The following FAM83A variants were observed in gnomAD, a reference collection of about 807,000 sequenced individuals.
FAM83A encodes scaffolding CK1 anchoring protein A.
Under a neutral mutation model 24.4 loss-of-function variants are expected in FAM83A, and 21 were observed. The observed-to-expected ratio is 0.86, with a 90% CI of 0.61 to 1.24. The LOEUF (loss-of-function observed/expected upper bound fraction) is 1.24, where lower values mean the gene tolerates loss of function less well. Ranked by LOEUF, FAM83A falls within the 50% of genes most tolerant of loss-of-function variation. FAM83A has a pLI of 0.00. For synonymous variants in FAM83A, 270 were observed against 252.4 expected, an observed-to-expected ratio of 1.07 and a Z score of -0.66; for missense variants, 617 against 579.8, an observed-to-expected ratio of 1.06 and a Z score of -0.66.
intron 1 of FAM83A, among the ~76,000 whole-genome samples, chr8:123,184,070 T>C (rs1433023840): frequency 6.6e-6 from 1 of 152,174 alleles, no homozygotes; most frequent in East Asian, 1.9e-4. Flanking sequence ...TTGCCCATAA[T>C]GGGAAGAACA....
rs1409120587 is a variant in FAM83A at position 123,183,364 on chromosome 8, T to A, written c.480+28T>A. 1.0e-5 allele frequency: 16 copies of A among 1,591,742 alleles called. No homozygotes were observed. In the Admixed American group the frequency reaches 2.5e-4, roughly 25 times the overall value. On this transcript the variant is annotated intron_variant, in intron 1 of 3. Coordinates refer to ENST00000690554, the Ensembl canonical transcript of FAM83A. ...ACCGATGGCAAAGCCCCTGTCTCCG[T>A]GGCCAAGTAGCAGGGAGGATCGGGG... is the stretch of plus-strand genomic sequence containing the variant.
exon 4 of FAM83A, chr8:123,208,268 G>A: frequency 4.1e-6 from 4 of 985,520 alleles, no homozygotes; most frequent in Non-Finnish European, 3.6e-6. Flanking sequence ...TGAGGCCCCA[G>A]AACCCGTTAT....
rs1824068236 is a variant in FAM83A at position 123,194,153 on chromosome 8, G to T, written c.773+5G>T. On this transcript the variant is annotated splice_donor_5th_base_variant and intron_variant, in intron 3 of 3. Coordinates refer to ENST00000690554, the Ensembl canonical transcript of FAM83A. ...TGTCCTGTCTGGATCTTACAGGTGA[G>T]CCTTGGATTCATCTCCTGTCAAGGA... The T allele has an allele frequency of 6.2e-7, 1 of 1,613,706 alleles. No homozygotes were observed. The highest frequency in any genetic ancestry group is 1.1e-5 in the South Asian group (1 of 91,050).
At chr8:123,185,884 A>G (rs1227828956) in intron 1 of FAM83A, among the ~76,000 whole-genome samples, 1 of 152,114 alleles carries the variant, frequency 6.6e-6, no homozygotes, top group Non-Finnish European at 1.5e-5. Context: ...TCTGCCCCCC[A>G]GATTCAAGCG....
At chr8:123,204,639 G>A (rs1277630816) in intron 3 of FAM83A, among the ~76,000 whole-genome samples, 13 of 152,062 alleles carry the variant, frequency 8.5e-5, no homozygotes, top group Non-Finnish European at 1.5e-4. Flanking sequence ...GCGGGCGCCT[G>A]TAGTCCCAGC....
intron 3 of FAM83A, among the ~76,000 whole-genome samples, chr8:123,205,632 G>C (rs999261988): frequency 2.6e-5 from 4 of 152,102 alleles, no homozygotes; most frequent in Non-Finnish European, 4.4e-5. Flanking sequence ...TATCTTTGAC[G>C]GGCCCGTTTC....
upstream of FAM83A, chr8:123,182,027 G>T (rs1309653899): frequency 4.4e-6 from 2 of 456,066 alleles, no homozygotes; most frequent in Non-Finnish European, 8.8e-6. Context: ...TCACTCCAGC[G>T]CCAACACTGA....
chr8:123,200,963 A>C (rs1824330774), intron 3 of FAM83A, among the ~76,000 whole-genome samples: 1 of 138,744 alleles, frequency 7.2e-6, no homozygotes, highest in African/African-American at 2.9e-5. Flanking sequence ...TAAACAAAAA[A>C]AAAAAATATA....
chr8:123,188,902 G>C (rs549104438), intron 1 of FAM83A, among the ~76,000 whole-genome samples: 6 of 152,306 alleles, frequency 3.9e-5, no homozygotes, highest in African/African-American at 1.4e-4. Flanking sequence ...GACAGGGTGA[G>C]CCTGTATTTC....
At chr8:123,179,933 AAC>A (rs1204640625), upstream of FAM83A, 9 of 152,188 alleles carry the variant, frequency 5.9e-5, no homozygotes, top group Non-Finnish European at 1.3e-4. Flanking sequence ...CATATTCAGG[AAC>A]CAATCAGAGG....
At chr8:123,196,459 G>A (rs1051217153) in intron 3 of FAM83A, among the ~76,000 whole-genome samples, 3 of 152,200 alleles carry the variant, frequency 2.0e-5, no homozygotes, top group African/African-American at 7.2e-5. Flanking sequence ...TGTGTTTGCA[G>A]TTGAATGGAG....
At chr8:123,199,056 A>G (rs1444172785) in intron 3 of FAM83A, among the ~76,000 whole-genome samples, 1 of 152,166 alleles carries the variant, frequency 6.6e-6, no homozygotes, top group Non-Finnish European at 1.5e-5. Context: ...CCCAACTTTT[A>G]ATAGCTGTGT....
At chr8:123,207,612 A>C (rs749921810) in exon 4 of FAM83A, 597 of 1,555,920 alleles carry the variant, frequency 3.8e-4, no homozygotes, top group Non-Finnish European at 5.0e-4. Context: ...ACGCGGCTGC[A>C]GCTGGAGCAG....
chr8:123,194,039 A>G, exon 3 of FAM83A: 1 of 1,614,162 alleles, frequency 6.2e-7, no homozygotes, highest in South Asian at 1.1e-5. Context: ...TTCCATCCGG[A>G]GTGTGGAAGG....
intron 3 of FAM83A, among the ~76,000 whole-genome samples, chr8:123,204,303 C>CT (rs890336115): frequency 3.9e-5 from 6 of 152,088 alleles, no homozygotes; most frequent in African/African-American, 1.2e-4. Flanking sequence ...GTGACCTTTT[C>CT]TTTTAGGTAG....
rs1432644261 is a variant in FAM83A, at chr8:123,209,385, T to A, written c.*1697T>A. ...GTTTCTTTTATTATTATTATTATTATTAATTATTGTATTCCTGTCCTTCAC... is the reference window on the plus strand; with the variant it reads ...GTTTCTTTTATTATTATTATTATTAATAATTATTGTATTCCTGTCCTTCAC... On this transcript the variant is annotated 3_prime_UTR_variant, in exon 4 of 4. Transcript: ENST00000690554. This position sits in a 1 kb window ranked among gnomAD's most constrained non-coding sequence, Gnocchi z 4.7. 9.2e-6 allele frequency: 14 copies of A among 1,521,374 alleles called. No individual in the cohort carries two copies. The highest frequency in any genetic ancestry group is 2.1e-5 in the Admixed American group (1 of 47,458). 94.2% of individuals were successfully genotyped at this position (1,521,374 alleles called of 1,614,324 possible). A position where few individuals can be genotyped will look rare whatever the true frequency, so the allele number is the denominator to read the frequency against.
chr8:123,200,980 TA>T (rs1824336038), intron 3 of FAM83A, among the ~76,000 whole-genome samples: 2 of 147,366 alleles, frequency 1.4e-5, no homozygotes, highest in East Asian at 3.9e-4. Context: ...TATATATATA[TA>T]TATACACATA....
intron 1 of FAM83A, among the ~76,000 whole-genome samples, chr8:123,188,111 G>C (rs1823863217): frequency 6.6e-6 from 1 of 151,978 alleles, no homozygotes. Flanking sequence ...CTGACCTCAA[G>C]TGATCTGCCC....
At chr8:123,191,887 G>A (rs369077900) in exon 2 of FAM83A, 14 of 1,614,190 alleles carry the variant, frequency 8.7e-6, no homozygotes, top group East Asian at 2.2e-5. Flanking sequence ...TGGGGTGTTC[G>A]TTTGTGTGCT....
Sources: allele counts gnomAD v4.1 joint callset (sites outside exome capture counted in the v4.1 genomes callset), GRCh38; gene constraint gnomAD v4.1.1; non-coding constraint Gnocchi (gnomAD v3.1); transcripts MANE v1.5; gene names NCBI Gene and HGNC (gene_info 2026-07-23, HGNC 2026-07-21).